AJAP1: variants seen among roughly 807,000 people sequenced by gnomAD.
AJAP1 encodes adherens junctions associated protein 1, also known as adherens junction-associated protein 1.
A neutral mutation model predicts 35.0 loss-of-function variants in AJAP1; 5 were observed. That is an observed-to-expected ratio of 0.14 (90% CI 0.07 to 0.30). The LOEUF (loss-of-function observed/expected upper bound fraction) is 0.30. Ranked by LOEUF, AJAP1 falls within the 10% of genes least tolerant of loss-of-function variation. The pLI is 1.00. For missense variants in AJAP1, 586 were observed against 571.0 expected (o/e 1.03, Z -0.27); for synonymous variants, 284 against 249.3 (o/e 1.14, Z -1.31).
At chr1:4,701,018 C>T (rs974131477) in intron 1 of AJAP1, among the ~76,000 whole-genome samples, 1 of 152,242 alleles carries the variant, frequency 6.6e-6, no homozygotes, top group African/African-American at 2.4e-5. Context: ...CCACACACTG[C>T]TTGTCACCAC....
At position 4,654,733 on chromosome 1, in the gene AJAP1, ACGCCCCGCGCTCCACGGCGCCCT is replaced by A. The variant is rs1431607643; in HGVS notation, c.-682_-660del. On this transcript the variant is annotated 5_prime_UTR_variant, in exon 1 of 6. Transcript: ENST00000378191. This position sits in a 1 kb window ranked among gnomAD's most constrained non-coding sequence, Gnocchi z 5.1. ...CGCGGCGCCGCCGCCGCGCGTCCCC[ACGCCCCGCGCTCCACGGCGCCCT>A]CGCCCCGCGCGCCTCTCGTGCCCGC... 25 of 146,650 alleles carry A rather than the reference ACGCCCCGCGCTCCACGGCGCCCT, an allele frequency of 1.7e-4. No homozygotes were observed. The highest frequency in any genetic ancestry group is 6.3e-4 in the South Asian group (3 of 4,736). The allele number at this position is 146,650 out of a possible 1,614,324, so 9.1% of individuals were successfully genotyped here. A position where few individuals can be genotyped will look rare whatever the true frequency, so the allele number is the denominator to read the frequency against.
At chr1:4,688,635 G>T (rs1639662108) in intron 1 of AJAP1, among the ~76,000 whole-genome samples, 1 of 151,946 alleles carries the variant, frequency 6.6e-6, no homozygotes, top group Non-Finnish European at 1.5e-5. Context: ...AGCCGAGCGT[G>T]GTGGCGTGCA....
chr1:4,760,237 A>G (rs556855802), intron 2 of AJAP1, among the ~76,000 whole-genome samples: 1 of 63,676 alleles, frequency 1.6e-5, no homozygotes, highest in African/African-American at 7.0e-5. Context: ...GTGTGTGAGC[A>G]TGTGTATGAG....
In AJAP1 at chr1:4,714,947, C is replaced by G. The variant is rs1052055240; in HGVS notation, c.829+2248C>G. On this transcript the variant is annotated intron_variant, in intron 2 of 5. Coordinates refer to ENST00000378191, the MANE Select transcript of AJAP1 (RefSeq NM_018836.4). Reference sequence around the variant, plus strand: ...AATTTAGGTTACACACTGGGAAGTACTTGCTGGTGATGCAGGAGGTGAGAT... The same window carrying G: ...AATTTAGGTTACACACTGGGAAGTAGTTGCTGGTGATGCAGGAGGTGAGAT... 2.6e-5 allele frequency among the ~76,000 whole-genome samples: 4 copies of G among 152,162 alleles called. 1 individual carries two copies. The highest frequency in any genetic ancestry group is 2.6e-4 in the Admixed American group (4 of 15,278).
intron 2 of AJAP1, among the ~76,000 whole-genome samples, chr1:4,724,536 G>T (rs534467883): frequency 6.6e-6 from 1 of 152,186 alleles, no homozygotes; most frequent in South Asian, 2.1e-4. Context: ...CCCAGAGGTG[G>T]GCCTGCTCGC....
At chr1:4,719,381 G>C (rs1640467340) in intron 2 of AJAP1, among the ~76,000 whole-genome samples, 1 of 152,166 alleles carries the variant, frequency 6.6e-6, no homozygotes, top group Non-Finnish European at 1.5e-5. Context: ...CCTTGCACAA[G>C]AGAGAAAAGA....
At chr1:4,750,058 A>G (rs1054111923) in intron 2 of AJAP1, among the ~76,000 whole-genome samples, 1 of 151,354 alleles carries the variant, frequency 6.6e-6, no homozygotes. Flanking sequence ...GTTTGTATCT[A>G]TATATGCCAG....
At chr1:4,776,195 C>T (rs1453185909) in intron 5 of AJAP1, among the ~76,000 whole-genome samples, 1 of 152,192 alleles carries the variant, frequency 6.6e-6, no homozygotes, top group Non-Finnish European at 1.5e-5. Flanking sequence ...TTTTTACTTG[C>T]CCAGTCCTCC....
intron 2 of AJAP1, among the ~76,000 whole-genome samples, chr1:4,740,727 A>G (rs1641046439): frequency 7.5e-6 from 1 of 132,678 alleles, no homozygotes; most frequent in South Asian, 2.7e-4. Flanking sequence ...AGGAGCTTAC[A>G]GTGAGCCGAG....
chr1:4,760,066 C>G (rs191497333), intron 2 of AJAP1, among the ~76,000 whole-genome samples: 147 of 152,290 alleles, frequency 9.7e-4, no homozygotes, highest in African/African-American at 3.5e-3. Flanking sequence ...CAAATGATAG[C>G]AGAAGTTCAG....
intron 2 of AJAP1, among the ~76,000 whole-genome samples, chr1:4,740,785 C>CAAAAA (rs34897087): frequency 1.9e-4 from 13 of 66,968 alleles, no homozygotes; most frequent in African/African-American, 5.4e-4. Context: ...GACTCCGTCT[C>CAAAAA]AAAAAAAAAA....
At chr1:4,698,707 C>T (rs1639920373) in intron 1 of AJAP1, among the ~76,000 whole-genome samples, 1 of 152,204 alleles carries the variant, frequency 6.6e-6, no homozygotes, top group African/African-American at 2.4e-5. Context: ...TGCTCTAGCT[C>T]CTTCTGTAAT....
chr1:4,696,406 C>A (rs566439403), intron 1 of AJAP1, among the ~76,000 whole-genome samples: 19 of 152,234 alleles, frequency 1.2e-4, no homozygotes, highest in African/African-American at 4.1e-4. Flanking sequence ...AAGTTCCAGC[C>A]CTAGGGGAGC....
chr1:4,742,471 C>T lies in AJAP1; in HGVS notation c.830-27382C>T, dbSNP rs146266576. 3.4e-3 allele frequency among the ~76,000 whole-genome samples: 512 copies of T among 152,176 alleles called. 4 individuals carry two copies. Among genetic ancestry groups the T allele is most frequent in the African/African-American group, 0.011 (443 of 41,520 alleles). ...TGGGAAACTGTTCCCAATTGGAAGA[C>T]GAGAGACTCAAATGCAAGTTGGGAG... On this transcript the variant is annotated intron_variant, in intron 2 of 5. Coordinates refer to ENST00000378191, the MANE Select transcript of AJAP1 (RefSeq NM_018836.4).
At chr1:4,704,038 T>C (rs1016623180) in intron 1 of AJAP1, among the ~76,000 whole-genome samples, 1 of 152,102 alleles carries the variant, frequency 6.6e-6, no homozygotes, top group African/African-American at 2.4e-5. Context: ...ACATTGAAGG[T>C]AGGGGTTAAG....
chr1:4,714,599 C>G (rs755837119), intron 2 of AJAP1, among the ~76,000 whole-genome samples: 1 of 152,190 alleles, frequency 6.6e-6, no homozygotes, highest in Non-Finnish European at 1.5e-5. Context: ...TAATCCATCT[C>G]GACAGATGCT....
At chr1:4,762,946 C>T (rs1419551180) in intron 2 of AJAP1, among the ~76,000 whole-genome samples, 2 of 152,114 alleles carry the variant, frequency 1.3e-5, no homozygotes, top group Non-Finnish European at 2.9e-5. Flanking sequence ...AGGTGTTAGC[C>T]CCATGACCTC....
intron 2 of AJAP1, among the ~76,000 whole-genome samples, chr1:4,767,337 CATCACCATCATT>C (rs1031564320): frequency 1.3e-5 from 2 of 151,888 alleles, no homozygotes; most frequent in African/African-American, 4.8e-5. Context: ...TCATTATTAC[CATCACCATCATT>C]ATCACCATCA....
chr1:4,746,247 T>C (rs562651107), intron 2 of AJAP1, among the ~76,000 whole-genome samples: 1 of 152,292 alleles, frequency 6.6e-6, no homozygotes, highest in South Asian at 2.1e-4. Context: ...TCTATATCTC[T>C]ATGTGTCTCA....
Sources: gnomAD v4.1 joint callset for allele counts (sites outside exome capture counted in the v4.1 genomes callset) on GRCh38, gnomAD v4.1.1 for gene constraint, Gnocchi (gnomAD v3.1) non-coding constraint, MANE v1.5 for transcripts, NCBI Gene and HGNC (gene_info 2026-07-23, HGNC 2026-07-21) for gene names.